SYTL2: variants seen among roughly 807,000 people sequenced by gnomAD.
SYTL2 encodes synaptotagmin like 2.
Under a neutral mutation model 198.7 loss-of-function variants are expected in SYTL2, and 165 were observed. The observed-to-expected ratio is 0.83, with a 90% confidence interval of 0.73 to 0.94. The LOEUF (loss-of-function observed/expected upper bound fraction) is 0.94, where lower values mean the gene tolerates loss of function less well. SYTL2 is among the 40% of genes least tolerant of loss of function. The pLI is 0.00. For missense variants in SYTL2, 2,835 were observed against 2,582.8 expected, an observed-to-expected ratio of 1.10 and a Z score of -2.12; for synonymous variants, 966 against 917.7, an observed-to-expected ratio of 1.05 and a Z score of -0.95.
intron 1 of SYTL2, among the ~76,000 whole-genome samples, chr11:85,797,457 G>A (rs1043091196): frequency 2.6e-5 from 4 of 151,644 alleles, no homozygotes; most frequent in African/African-American, 7.3e-5. Flanking sequence ...GTGAAACCCC[G>A]TCTCTACTGA....
rs2087865407 is a variant in SYTL2 at position 85,719,166 on chromosome 11, T to C, written c.5429-323A>G. 3.0e-6 allele frequency: 4 copies of C among 1,352,456 alleles called. No individual in the cohort carries two copies. In the African/African-American group the frequency reaches 5.9e-5, roughly 20 times the overall value. The allele number at this position is 1,352,456 out of a possible 1,614,324, so 83.8% of individuals were successfully genotyped here. On this transcript the variant is annotated intron_variant, in intron 9 of 19. Coordinates refer to ENST00000359152, the MANE Select transcript of SYTL2 (RefSeq NM_206927.4). ...GGCTGCAACAGCCTCTCTATTCTTC[T>C]GTAAAGGGTATGATGCTAGCCATGA...
At chr11:85,802,004 T>C (rs978521579) in intron 1 of SYTL2, among the ~76,000 whole-genome samples, 3 of 151,088 alleles carry the variant, frequency 2.0e-5, no homozygotes, top group Admixed American at 6.6e-5. Flanking sequence ...TTAGTAGAGA[T>C]GGGGTTTTAC....
intron 1 of SYTL2, among the ~76,000 whole-genome samples, chr11:85,791,157 A>C (rs2092723229): frequency 9.5e-6 from 1 of 104,724 alleles, no homozygotes; most frequent in Non-Finnish European, 1.8e-5. Flanking sequence ...GCAGAGCTAG[A>C]GTCTGCCTCA....
Position 85,725,871 on chromosome 11 carries a change from G to T in SYTL2, c.3487C>A (p.Pro1163Thr), listed in dbSNP as rs2089096187. The T allele has an allele frequency of 1.2e-6, 2 of 1,613,846 alleles. No homozygotes were observed. The highest frequency in any genetic ancestry group is 1.7e-6 in the Non-Finnish European group (2 of 1,179,942). ...GKVHGKQVLE[P>T]SVSENRTWPQ... ...CATGTCCTATTTTCAGAAACACTTG[G>T]TTCAAGCACTTGTTTTCCATGAACT... is the stretch of plus-strand genomic sequence containing the variant. The change falls in exon 8 of 20, where the codon CCA becomes ACA. Residue 1163 changes from proline (P) to threonine (T), a missense_variant. This residue lies in a region of SYTL2 where 2,645 missense variants were observed against 2,381.7 expected (regional missense o/e 1.11). Coordinates refer to ENST00000359152, the MANE Select transcript of SYTL2 (RefSeq NM_206927.4).
chr11:85,782,877 C>T (rs1050446124), intron 1 of SYTL2, among the ~76,000 whole-genome samples: 1 of 152,212 alleles, frequency 6.6e-6, no homozygotes, highest in African/African-American at 2.4e-5. Flanking sequence ...ATCTGGACTT[C>T]GTTGTCCACA....
chr11:85,748,487 C>G, intron 2 of SYTL2, 64 bp from the exon 3 acceptor site: 1 of 1,530,250 alleles, frequency 6.5e-7, no homozygotes, highest in Non-Finnish European at 9.0e-7. Flanking sequence ...TTCATTATGA[C>G]ACCGCATAAA....
chr11:85,748,127 G>A (rs118073826), intron 3 of SYTL2, 145 bp downstream of exon 3: 26,701 of 964,760 alleles, frequency 0.028, 512 homozygotes, highest in Non-Finnish European at 0.033. Context: ...CCAAGGCAAG[G>A]GAAATTTAAA....
At chr11:85,769,240 T>G (rs2092306890) in intron 1 of SYTL2, among the ~76,000 whole-genome samples, 1 of 152,164 alleles carries the variant, frequency 6.6e-6, no homozygotes, top group Non-Finnish European at 1.5e-5. Flanking sequence ...TAGATATCAT[T>G]GTTAAGAATC....
the SYTL2 span, among the ~76,000 whole-genome samples, chr11:85,843,580 C>T: frequency 6.6e-6 from 1 of 152,034 alleles, no homozygotes; most frequent in Admixed American, 6.6e-5. Context: ...AGGCTTGGAG[C>T]TGGGTCCAAG....
intron 16 of SYTL2, among the ~76,000 whole-genome samples, chr11:85,704,179 G>A (rs1399415267): frequency 6.6e-6 from 1 of 151,852 alleles, no homozygotes; most frequent in East Asian, 1.9e-4. Context: ...AATTTTAAAA[G>A]GCTGAAAATC....
chr11:85,826,616 G>A, the SYTL2 span, among the ~76,000 whole-genome samples: 1 of 152,238 alleles, frequency 6.6e-6, no homozygotes, highest in Non-Finnish European at 1.5e-5. Flanking sequence ...AGGGGCTGGG[G>A]AGAAACAGAA....
chr11:85,762,702 G>T (rs2092132118), intron 1 of SYTL2, among the ~76,000 whole-genome samples: 1 of 152,062 alleles, frequency 6.6e-6, no homozygotes, highest in African/African-American at 2.4e-5. Flanking sequence ...ATACTTGTTA[G>T]GTCTCAAGTT....
chr11:85,833,011 AAAAGAAAGAAAGAAAGAAAG>A, the SYTL2 span, among the ~76,000 whole-genome samples: 468 of 48,082 alleles, frequency 9.7e-3, 20 homozygotes, highest in Middle Eastern at 0.018. Context: ...AAAAAGAAAG[AAAAGAAAGAAAGAAAGAAAG>A]AAAGAAAGAA....
At chr11:85,737,487 T>A in intron 5 of SYTL2, 88 bp downstream of exon 5, 1 of 1,041,574 alleles carries the variant, frequency 9.6e-7, no homozygotes, top group Non-Finnish European at 1.4e-6. Context: ...TACTACAAAA[T>A]TCTCTTTATT....
chr11:85,708,087 C>A, intron 14 of SYTL2: 1 of 421,388 alleles, frequency 2.4e-6, no homozygotes. Flanking sequence ...CGCTTGAACC[C>A]GGGAGGCGAA....
intron 5 of SYTL2, 68 bp downstream of exon 5, chr11:85,737,507 T>G (rs1016726222): frequency 7.9e-7 from 1 of 1,268,750 alleles, no homozygotes; most frequent in Non-Finnish European, 1.1e-6. Flanking sequence ...TTTGTGGTGC[T>G]TTGACACAAT....
intron 5 of SYTL2, 60 bp downstream of exon 5, chr11:85,737,515 A>G: frequency 7.4e-7 from 1 of 1,344,354 alleles, no homozygotes. Flanking sequence ...GCTTTGACAC[A>G]ATGAGGAAAA....
chr11:85,775,693 C>T (rs900240619), intron 1 of SYTL2, among the ~76,000 whole-genome samples: 1 of 152,110 alleles, frequency 6.6e-6, no homozygotes, highest in Non-Finnish European at 1.5e-5. Context: ...GTTGACCAGG[C>T]TGATCTTGAA....
intron 1 of SYTL2, among the ~76,000 whole-genome samples, chr11:85,789,613 G>A (rs1191441362): frequency 4.6e-5 from 7 of 151,150 alleles, no homozygotes; most frequent in Admixed American, 2.6e-4. Context: ...TACTTATTAG[G>A]TACTTACTAT....
Sources: gnomAD v4.1 joint callset for allele counts (sites outside exome capture counted in the v4.1 genomes callset) on GRCh38, gnomAD v4.1.1 for gene constraint, gnomAD v4.1.1 regional missense constraint, MANE v1.5 for transcripts, NCBI Gene and HGNC (gene_info 2026-07-23, HGNC 2026-07-21) for gene names.